Variants in UACA observed in about 807,000 individuals in gnomAD.
UACA encodes the protein uveal autoantigen with coiled-coil domains and ankyrin repeats.
In UACA, 112 loss-of-function variants were observed where a neutral mutation model predicts 160.5. The ratio of observed to expected loss-of-function variants is 0.70; its 90% CI spans 0.60 to 0.82. The LOEUF is 0.82. Ranked by LOEUF, UACA falls within the 40% of genes least tolerant of loss-of-function variation. The pLI is 0.00. For synonymous variants in UACA, 557 were observed against 568.4 expected (o/e 0.98, Z 0.29); for missense variants, 1,574 against 1,614.6 (o/e 0.97, Z 0.43).
intron 1 of UACA, among the ~76,000 whole-genome samples, chr15:70,724,792 C>T (rs1899096499): frequency 6.6e-6 from 1 of 151,862 alleles, no homozygotes; most frequent in South Asian, 2.1e-4. Context: ...GTTCTCTATT[C>T]ATCTGCACCA....
At chr15:70,709,806 C>T (rs1898627557) in intron 1 of UACA, among the ~76,000 whole-genome samples, 1 of 152,076 alleles carries the variant, frequency 6.6e-6, no homozygotes, top group African/African-American at 2.4e-5. Flanking sequence ...TGTTTAATGG[C>T]TAGTCAACAA....
intron 1 of UACA, among the ~76,000 whole-genome samples, chr15:70,755,407 C>T (rs555446942): frequency 2.0e-5 from 3 of 151,668 alleles, no homozygotes; most frequent in Non-Finnish European, 2.9e-5. Flanking sequence ...CAGTGGCTCA[C>T]GCCTATAATC....
rs561970145 is a variant in UACA at position 70,763,497 on chromosome 15, G to A, written c.-90C>T. 136 of 1,258,350 alleles carry A rather than the reference G, an allele frequency of 1.1e-4. No homozygotes were observed. In the African/African-American group the frequency reaches 1.5e-3, roughly 14 times the overall value. 77.9% of individuals were successfully genotyped at this position (1,258,350 alleles called of 1,614,324 possible). ...AGACGGCAGCGGCTGCAGCAGAGGCGGCGCGGGCTGTACCAGCCCCACCTG... is the reference window on the plus strand; with the variant it reads ...AGACGGCAGCGGCTGCAGCAGAGGCAGCGCGGGCTGTACCAGCCCCACCTG... On this transcript the variant is annotated 5_prime_UTR_variant, in exon 1 of 19. Coordinates refer to ENST00000322954, the MANE Select transcript of UACA (RefSeq NM_018003.4).
At chr15:70,736,321 C>T (rs1023873633) in intron 1 of UACA, among the ~76,000 whole-genome samples, 1 of 152,084 alleles carries the variant, frequency 6.6e-6, no homozygotes, top group Admixed American at 6.6e-5. Flanking sequence ...CAAGTATTTA[C>T]GTTTATAGTC....
chr15:70,684,236 C>G (rs1897621912), intron 8 of UACA, 29 bp downstream of exon 8: 1 of 1,561,830 alleles, frequency 6.4e-7, no homozygotes, highest in African/African-American at 1.4e-5. Flanking sequence ...TTAATGTGGA[C>G]TTTTCTAGTT....
intron 6 of UACA, 39 bp from the exon 7 acceptor site, chr15:70,687,685 G>T: frequency 6.2e-7 from 1 of 1,612,804 alleles, no homozygotes; most frequent in East Asian, 2.2e-5. Flanking sequence ...TAAGACAACA[G>T]ATCTCCCAAA....
At chr15:70,657,164 T>C (rs376670699) in intron 18 of UACA, 37 bp from the exon 19 acceptor site, 5 of 1,545,952 alleles carry the variant, frequency 3.2e-6, no homozygotes, top group Non-Finnish European at 4.5e-6. Context: ...TTATTTTATG[T>C]CATCTTTGTT....
At chr15:70,751,091 A>T (rs2030024566) in intron 1 of UACA, among the ~76,000 whole-genome samples, 1 of 152,212 alleles carries the variant, frequency 6.6e-6, no homozygotes, top group East Asian at 1.9e-4. Flanking sequence ...TACAAAAAAA[A>T]CCCTCAATGA....
intron 16 of UACA, 99 bp downstream of exon 16, chr15:70,666,625 T>G (rs2140898110): frequency 1.0e-6 from 1 of 989,328 alleles, no homozygotes; most frequent in East Asian, 2.9e-5. Flanking sequence ...AAAGGGTCAC[T>G]TTGTTAATAC....
At chr15:70,701,825 C>T in intron 1 of UACA, 1 of 1,528,716 alleles carries the variant, frequency 6.5e-7, no homozygotes, top group Non-Finnish European at 8.9e-7. Flanking sequence ...GAACACAGTT[C>T]AGAAAGTCTA....
intron 1 of UACA, among the ~76,000 whole-genome samples, chr15:70,712,076 A>ATATATATATATATATATATATATATATAT (rs1898700698): frequency 1.3e-5 from 2 of 149,108 alleles, no homozygotes; most frequent in Non-Finnish European, 2.9e-5. Context: ...ATCTCCATAT[A>ATATATATATATATATATATATATATATAT]CCTTCTTCAT....
At chr15:70,706,800 G>A (rs533347089) in intron 1 of UACA, among the ~76,000 whole-genome samples, 1 of 152,190 alleles carries the variant, frequency 6.6e-6, no homozygotes, top group African/African-American at 2.4e-5. Flanking sequence ...TTAAAGAAGT[G>A]ACAAATCTAA....
At chr15:70,660,533 T>C in intron 17 of UACA, 1 of 267,786 alleles carries the variant, frequency 3.7e-6, no homozygotes, top group South Asian at 8.2e-5. Context: ...ACGCTTCCCA[T>C]CCTGTCTTAC....
the UACA span, among the ~76,000 whole-genome samples, chr15:70,769,125 G>A: frequency 5.9e-5 from 9 of 151,922 alleles, no homozygotes; most frequent in South Asian, 4.2e-4. Flanking sequence ...TTGGGAGGCC[G>A]AGGCGGGCAG....
rs1356092772 is a variant in UACA, at chr15:70,672,060, G to A, written c.1132-59C>T. 3.2e-5 allele frequency: 48 copies of A among 1,495,716 alleles called. No individual in the cohort carries two copies. In the South Asian group the frequency reaches 3.4e-4, roughly 11 times the overall value. 92.7% of individuals were successfully genotyped at this position (1,495,716 alleles called of 1,614,324 possible). On this transcript the variant is annotated intron_variant, in intron 13 of 18. Coordinates refer to ENST00000322954, the MANE Select transcript of UACA (RefSeq NM_018003.4). ...ATGCTGCCTCATTTTGTTAAATTCT[G>A]TATCTATTTTAGCTCTAAATCATGC... is the stretch of plus-strand genomic sequence containing the variant.
intron 1 of UACA, among the ~76,000 whole-genome samples, chr15:70,741,568 TAAAAGTA>T (rs1358900322): frequency 2.0e-5 from 3 of 152,260 alleles, no homozygotes; most frequent in African/African-American, 7.2e-5. Flanking sequence ...GCTTTGTGTT[TAAAAGTA>T]GTTTCTAATT....
upstream of UACA, among the ~76,000 whole-genome samples, chr15:70,765,054 A>G (rs1055767476): frequency 6.6e-6 from 1 of 152,182 alleles, no homozygotes; most frequent in Admixed American, 6.5e-5. Context: ...ATAAAATCTA[A>G]TTCTTTGCAT....
the UACA span, among the ~76,000 whole-genome samples, chr15:70,773,570 G>A: frequency 2.6e-5 from 4 of 152,146 alleles, no homozygotes; most frequent in Non-Finnish European, 4.4e-5. Context: ...CCCTCAGTTA[G>A]GAGCTTGGAC....
chr15:70,745,952 C>T (rs1322433776), intron 1 of UACA, among the ~76,000 whole-genome samples: 2 of 152,086 alleles, frequency 1.3e-5, no homozygotes, highest in Non-Finnish European at 2.9e-5. Context: ...TGAAACTGGA[C>T]CCCTTCCTTA....
Sources: gnomAD v4.1 joint callset for allele counts (sites outside exome capture counted in the v4.1 genomes callset) on GRCh38, gnomAD v4.1.1 for gene constraint, MANE v1.5 for transcripts, NCBI Gene and HGNC (gene_info 2026-07-23, HGNC 2026-07-21) for gene names.